Variants in PDE1B observed in about 807,000 individuals in gnomAD.
PDE1B encodes dual specificity calcium/calmodulin-dependent 3',5'-cyclic nucleotide phosphodiesterase 1B.
PDE1B carries 13 observed loss-of-function variants against 66.7 expected under a neutral mutation model. The ratio of observed to expected loss-of-function variants is 0.19; its 90% CI spans 0.13 to 0.31. PDE1B has a LOEUF of 0.31. PDE1B is among the 10% of genes least tolerant of loss of function. PDE1B has a pLI of 1.00. For missense variants in PDE1B, 485 were observed against 682.3 expected (o/e 0.71, Z 3.22); for synonymous variants, 230 against 253.9 (o/e 0.91, Z 0.90).
At chr12:54,555,750 A>T (rs1346492401) in intron 2 of PDE1B, among the ~76,000 whole-genome samples, 1 of 151,910 alleles carries the variant, frequency 6.6e-6, no homozygotes, top group Non-Finnish European at 1.5e-5. Flanking sequence ...CTCTTCTTTG[A>T]TTCTTCCATC....
At chr12:54,561,232 C>G (rs1423610480) in intron 2 of PDE1B, among the ~76,000 whole-genome samples, 1 of 152,200 alleles carries the variant, frequency 6.6e-6, no homozygotes, top group African/African-American at 2.4e-5. Flanking sequence ...TGCTAACCCC[C>G]TTTTTCCCAA....
chr12:54,563,088 C>T (rs1957448418), intron 2 of PDE1B, among the ~76,000 whole-genome samples: 2 of 152,300 alleles, frequency 1.3e-5, no homozygotes, highest in South Asian at 4.1e-4. Flanking sequence ...TTTCCCCTTT[C>T]CGTTTTATTT....
intron 2 of PDE1B, among the ~76,000 whole-genome samples, chr12:54,562,325 A>G (rs748922099): frequency 1.8e-4 from 28 of 152,206 alleles, no homozygotes; most frequent in Non-Finnish European, 3.5e-4. Context: ...GCCTAGAGCT[A>G]GGAGAGACTG....
chr12:54,573,859 G>GAGAGAC lies in PDE1B; in HGVS notation c.1064+155_1064+156insCAGAGA, dbSNP rs376483414. On this transcript the variant is annotated intron_variant, in intron 10 of 15. Coordinates refer to ENST00000243052, the MANE Select transcript of PDE1B (RefSeq NM_000924.4). This position sits in a 1 kb window ranked among gnomAD's most constrained non-coding sequence, Gnocchi z 5.2. Reference sequence around the variant, plus strand: ...GGTATCAGACTGCATCTCTATGTGAGAGAGAGAGAGAGTGTGTGTGTGTGT... The same window carrying GAGAGAC: ...GGTATCAGACTGCATCTCTATGTGAGAGAGACAGAGAGAGAGAGTGTGTGTGTGTGT... 1 of 521,210 alleles carries GAGAGAC rather than the reference G, an allele frequency of 1.9e-6. No homozygotes were observed. Among genetic ancestry groups the GAGAGAC allele is most frequent in the Non-Finnish European group, 3.4e-6 (1 of 291,890 alleles). The allele number at this position is 521,210 out of a possible 1,614,324, so 32.3% of individuals were successfully genotyped here. A position where few individuals can be genotyped will look rare whatever the true frequency, so the allele number is the denominator to read the frequency against.
chr12:54,549,876 G>T lies in PDE1B; in HGVS notation c.4G>T (p.Glu2Ter), dbSNP rs774670099. 4 of 1,613,116 alleles carry T rather than the reference G, an allele frequency of 2.5e-6. No individual in the cohort carries two copies. The highest frequency in any genetic ancestry group is 1.3e-5 in the African/African-American group (1 of 74,906). Residue 2 changes from glutamate (E) to a stop codon, truncating the protein, a stop_gained, in exon 2 of 16, where the codon GAG becomes TAG. Coordinates refer to ENST00000243052, the MANE Select transcript of PDE1B (RefSeq NM_000924.4). LOFTEE classifies it high-confidence loss of function. M[E>*]LSPRSPPEML... is the part of the protein sequence containing the mutation. ...GTTCCGTAGACCGTGGCTGAGCATG[G>T]AGCTGTCCCCCCGCAGTCCTCCGGA...
In PDE1B at chr12:54,569,791, C is replaced by T. The variant is rs891257831; in HGVS notation, c.477+179C>T. The stretch of plus-strand genomic sequence containing the variant: ...GATCTCGTCTCACTGCAACCTCTGC[C>T]TCCCTGCAAGCGATTCTCCTGCCTC... On this transcript the variant is annotated intron_variant, in intron 5 of 15. Transcript: ENST00000243052. The surrounding 1 kb of genome is among the most constrained non-coding windows in gnomAD (Gnocchi z 4.4). 1.3e-5 allele frequency among the ~76,000 whole-genome samples: 2 copies of T among 151,998 alleles called. No individual in the cohort carries two copies. Among genetic ancestry groups the T allele is most frequent in the Non-Finnish European group, 2.9e-5 (2 of 68,000 alleles).
In PDE1B at chr12:54,573,054, G is replaced by A; in HGVS notation, c.736-94G>A. On this transcript the variant is annotated intron_variant, in intron 7 of 15. Coordinates refer to ENST00000243052, the MANE Select transcript of PDE1B (RefSeq NM_000924.4). The surrounding 1 kb of genome is among the most constrained non-coding windows in gnomAD (Gnocchi z 5.2). ...AAGAGCTGGCCTGGAAGCATGGAAG[G>A]GATGGGATGAGTGATCTAGCCTGTG... 1.1e-6 allele frequency: 1 copy of A among 927,780 alleles called. No homozygotes were observed. Among genetic ancestry groups the A allele is most frequent in the Non-Finnish European group, 1.8e-6 (1 of 569,208 alleles). The allele number at this position is 927,780 out of a possible 1,614,324, so 57.5% of individuals were successfully genotyped here.
At chr12:54,570,717 A>C in intron 6 of PDE1B, 2 of 211,822 alleles carry the variant, frequency 9.4e-6, no homozygotes, top group Non-Finnish European at 1.9e-5. Flanking sequence ...ACTAGAAACC[A>C]TGTTTCCTGG....
intron 10 of PDE1B, chr12:54,574,117 C>T (rs3782411): frequency 0.3 from 63,212 of 209,468 alleles, 9,944 homozygotes; most frequent in East Asian, 0.35. Context: ...CCCCTAGTTC[C>T]TAGTCTCATA....
At chr12:54,556,020 C>T (rs569530391) in intron 2 of PDE1B, among the ~76,000 whole-genome samples, 4 of 152,150 alleles carry the variant, frequency 2.6e-5, no homozygotes, top group African/African-American at 7.2e-5. Context: ...AGTCCAGCCC[C>T]GACTCCTGTC....
At chr12:54,559,772 T>TG (rs1957383174) in intron 2 of PDE1B, among the ~76,000 whole-genome samples, 1 of 152,138 alleles carries the variant, frequency 6.6e-6, no homozygotes, top group African/African-American at 2.4e-5. Flanking sequence ...AGCACTTACT[T>TG]GGCTAGAGTG....
intron 13 of PDE1B, 79 bp downstream of exon 13, chr12:54,576,179 C>T (rs1342544591): frequency 2.3e-5 from 20 of 880,292 alleles, no homozygotes; most frequent in South Asian, 1.6e-4. Flanking sequence ...CAGAGAGGAC[C>T]GACTCACAGC....
At chr12:54,552,429 TCTAA>T (rs1437555474) in intron 2 of PDE1B, among the ~76,000 whole-genome samples, 8 of 152,220 alleles carry the variant, frequency 5.3e-5, no homozygotes, top group Non-Finnish European at 1.2e-4. Context: ...TATGTATTTA[TCTAA>T]CTATCTATCT....
chr12:54,565,468 A>T (rs1168723224), intron 2 of PDE1B, among the ~76,000 whole-genome samples: 3 of 152,328 alleles, frequency 2.0e-5, no homozygotes, highest in East Asian at 3.9e-4. Flanking sequence ...TAGCTGGGAA[A>T]GCCTTTTATG....
intron 2 of PDE1B, 150 bp downstream of exon 2, chr12:54,550,135 TGG>T (rs1957254483): frequency 1.4e-6 from 2 of 1,443,740 alleles, no homozygotes; most frequent in East Asian, 5.0e-5. Flanking sequence ...CTGACACGCG[TGG>T]CCAGGCCACA....
intron 2 of PDE1B, among the ~76,000 whole-genome samples, chr12:54,556,766 G>A (rs1015906187): frequency 6.6e-6 from 1 of 151,990 alleles, no homozygotes; most frequent in Admixed American, 6.6e-5. Flanking sequence ...CAGCTGCAGT[G>A]AGAAGTCAGA....
chr12:54,576,277 A>ACCTATGCTC (rs2121168980), intron 13 of PDE1B, 177 bp downstream of exon 13: 1 of 616,414 alleles, frequency 1.6e-6, no homozygotes, highest in African/African-American at 1.8e-5. Flanking sequence ...GAAGGGTGTG[A>ACCTATGCTC]CCTGTACCTA....
rs1242126458 is a variant in PDE1B, at chr12:54,575,397, T to G, written c.1186-154T>G. 1 of 765,272 alleles carries G rather than the reference T, an allele frequency of 1.3e-6. No individual in the cohort carries two copies. Among genetic ancestry groups the G allele is most frequent in the African/African-American group, 1.7e-5 (1 of 58,266 alleles). The allele number at this position is 765,272 out of a possible 1,614,324, so 47.4% of individuals were successfully genotyped here. ...AGCCTAACAATAGTTGCATTTCATT[T>G]GCATATATTTCATTTGCATATTACT... is the stretch of plus-strand genomic sequence containing the variant. On this transcript the variant is annotated intron_variant, in intron 11 of 15. Transcript: ENST00000243052. This position sits in a 1 kb window ranked among gnomAD's most constrained non-coding sequence, Gnocchi z 4.0.
intron 2 of PDE1B, among the ~76,000 whole-genome samples, chr12:54,560,971 C>A (rs1306614989): frequency 6.6e-6 from 1 of 152,130 alleles, no homozygotes; most frequent in African/African-American, 2.4e-5. Context: ...TCCCCTGACA[C>A]CTAGCTTCAG....
Sources: allele counts gnomAD v4.1 joint callset (sites outside exome capture counted in the v4.1 genomes callset), GRCh38; gene constraint gnomAD v4.1.1; non-coding constraint Gnocchi (gnomAD v3.1); transcripts MANE v1.5; gene names NCBI Gene and HGNC (gene_info 2026-07-23, HGNC 2026-07-21).